CHMP3: variants seen among roughly 807,000 people sequenced by gnomAD.
The protein encoded by CHMP3 is charged multivesicular body protein 3.
In CHMP3, 8 loss-of-function variants were observed where a neutral mutation model predicts 27.4. The observed-to-expected ratio is 0.29, with a 90% CI of 0.17 to 0.53. The LOEUF (loss-of-function observed/expected upper bound fraction) is 0.53, where lower values mean the gene tolerates loss of function less well. Ranked by LOEUF, CHMP3 falls within the 20% of genes least tolerant of loss-of-function variation. The pLI is 0.96. For missense variants in CHMP3, 208 were observed against 271.5 expected (o/e 0.77, Z 1.64); for synonymous variants, 86 against 85.5 (o/e 1.01, Z -0.03).
intron 2 of CHMP3, among the ~76,000 whole-genome samples, chr2:86,540,000 T>C (rs1349633381): frequency 6.6e-6 from 1 of 152,098 alleles, no homozygotes; most frequent in Non-Finnish European, 1.5e-5. Flanking sequence ...GGTTGTTTTG[T>C]GGGGTTTTTC....
intron 1 of CHMP3, among the ~76,000 whole-genome samples, chr2:86,544,328 G>C (rs1676472456): frequency 6.8e-6 from 1 of 147,840 alleles, no homozygotes; most frequent in African/African-American, 2.5e-5. Context: ...TCACTGTTTT[G>C]ATTTACATTT....
At chr2:86,528,911 C>T (rs1675812078) in intron 3 of CHMP3, among the ~76,000 whole-genome samples, 1 of 152,182 alleles carries the variant, frequency 6.6e-6, no homozygotes, top group Non-Finnish European at 1.5e-5. Flanking sequence ...TTTCTTCATC[C>T]TCCCTCCAAA....
At chr2:86,527,046 A>G (rs1675741345) in intron 3 of CHMP3, 1 of 152,042 alleles carries the variant, frequency 6.6e-6, no homozygotes, top group Non-Finnish European at 1.5e-5. Context: ...AGGAGCTTCA[A>G]CTTTTGTAAT....
chr2:86,519,451 G>T (rs1573250631), intron 3 of CHMP3, among the ~76,000 whole-genome samples: 1 of 152,100 alleles, frequency 6.6e-6, no homozygotes, highest in Admixed American at 6.5e-5. Context: ...ACGGAAAAGG[G>T]TTTCTGAGGA....
chr2:86,552,194 T>C (rs1427869861), intron 1 of CHMP3, among the ~76,000 whole-genome samples: 2 of 152,148 alleles, frequency 1.3e-5, no homozygotes, highest in African/African-American at 4.8e-5. Flanking sequence ...ACTAAATATA[T>C]AAAAATCCAT....
chr2:86,561,845 T>C (rs944442459), intron 1 of CHMP3: 6 of 152,182 alleles, frequency 3.9e-5, no homozygotes, highest in Non-Finnish European at 7.4e-5. Context: ...GTTTAAACAA[T>C]AAAGCAACCA....
At chr2:86,536,104 TCCTGCCTCAGCCTCCCAA>T (rs1676128391) in intron 2 of CHMP3, among the ~76,000 whole-genome samples, 1 of 148,402 alleles carries the variant, frequency 6.7e-6, no homozygotes, top group Non-Finnish European at 1.5e-5. Context: ...CACGCCATTC[TCCTGCCTCAGCCTCCCAA>T]GTAGCTGGGA....
chr2:86,510,269 T>TCCCCACCC, intron 4 of CHMP3, 89 bp downstream of exon 4: 1 of 1,369,630 alleles, frequency 7.3e-7, no homozygotes, highest in Non-Finnish European at 1.0e-6. Context: ...AGTCTGTTCA[T>TCCCCACCC]CCCCACCCAC....
intron 4 of CHMP3, among the ~76,000 whole-genome samples, chr2:86,509,890 T>C (rs1028173889): frequency 6.6e-6 from 1 of 152,230 alleles, no homozygotes; most frequent in African/African-American, 2.4e-5. Context: ...TACAGGTCCT[T>C]GCCAGACCCT....
chr2:86,512,713 G>C (rs941314456), intron 3 of CHMP3, among the ~76,000 whole-genome samples: 1 of 152,108 alleles, frequency 6.6e-6, no homozygotes, highest in African/African-American at 2.4e-5. Context: ...ATGGGCAAAA[G>C]ACCTGAACAG....
chr2:86,562,381 G>C (rs1677407484), intron 1 of CHMP3: 1 of 152,054 alleles, frequency 6.6e-6, no homozygotes, highest in Admixed American at 6.5e-5. Context: ...TTCAAAATCT[G>C]ACTCAGTGGG....
intron 3 of CHMP3, among the ~76,000 whole-genome samples, chr2:86,517,482 C>T (rs1396061377): frequency 2.7e-5 from 4 of 147,018 alleles, no homozygotes; most frequent in East Asian, 2.1e-4. Flanking sequence ...AGGAGAATGG[C>T]GTGAACCCAG....
At chr2:86,540,372 T>TA (rs1249848770) in intron 2 of CHMP3, among the ~76,000 whole-genome samples, 2 of 152,152 alleles carry the variant, frequency 1.3e-5, no homozygotes, top group Admixed American at 1.3e-4. Context: ...TTTCTGTCTG[T>TA]ACTACAGTTT....
chr2:86,563,381 T>G lies in CHMP3; in HGVS notation c.-33A>C. ...TGAACCCGTCTTGCCCCTTCCGGCT[T>G]TCAGTTCCCCGCGCCCAGGCAGGTC... On this transcript the variant is annotated 5_prime_UTR_variant, in exon 1 of 6. Coordinates refer to ENST00000263856, the MANE Select transcript of CHMP3 (RefSeq NM_016079.4). 1.2e-6 allele frequency: 2 copies of G among 1,610,278 alleles called. No homozygotes were observed. The highest frequency in any genetic ancestry group is 1.7e-6 in the Non-Finnish European group (2 of 1,178,562).
chr2:86,542,209 T>A (rs747180430), intron 2 of CHMP3, 43 bp downstream of exon 2: 5 of 1,600,168 alleles, frequency 3.1e-6, no homozygotes, highest in Non-Finnish European at 3.4e-6. Context: ...AAGCAAAATA[T>A]ACCAAGAGGG....
Position 86,559,086 on chromosome 2 carries a change from T to C in CHMP3, c.45+4218A>G, listed in dbSNP as rs187780722. Among the ~76,000 whole-genome samples the C allele has an allele frequency of 3.8e-3, 574 of 152,236 alleles. 4 individuals carry two copies. The highest frequency in any genetic ancestry group is 0.011 in the South Asian group (51 of 4,816). ...TCTATGAGGGTGTTTCTGGAAGAGA[T>C]TGGCATTTCAATCAGTGAACTAAAG... On this transcript the variant is annotated intron_variant, in intron 1 of 5. Transcript: ENST00000263856.
intron 3 of CHMP3, among the ~76,000 whole-genome samples, chr2:86,518,923 G>T (rs1675419362): frequency 6.6e-6 from 1 of 152,054 alleles, no homozygotes; most frequent in Non-Finnish European, 1.5e-5. Flanking sequence ...TGTTTCACTG[G>T]GAAAAACTTT....
At chr2:86,512,995 T>C (rs1675163003) in intron 3 of CHMP3, among the ~76,000 whole-genome samples, 1 of 152,212 alleles carries the variant, frequency 6.6e-6, no homozygotes, top group South Asian at 2.1e-4. Context: ...ATCCAGCAAG[T>C]GTGCTCCTTG....
At chr2:86,542,359 T>C (rs768072758) in intron 1 of CHMP3, 47 bp from the exon 2 acceptor site, 4 of 1,537,852 alleles carry the variant, frequency 2.6e-6, no homozygotes. Context: ...CCGAAACTCC[T>C]AACTCAATCT....
Sources: gnomAD v4.1 joint callset for allele counts (sites outside exome capture counted in the v4.1 genomes callset) on GRCh38, gnomAD v4.1.1 for gene constraint, MANE v1.5 for transcripts, NCBI Gene and HGNC (gene_info 2026-07-23, HGNC 2026-07-21) for gene names.